The following ABCC1 variants were observed in gnomAD, a reference collection of about 807,000 sequenced individuals.
ABCC1 encodes multidrug resistance-associated protein 1.
In ABCC1, 83 loss-of-function variants were observed where a neutral mutation model predicts 172.9. That is an observed-to-expected ratio of 0.48 (90% CI 0.40 to 0.58). The LOEUF (loss-of-function observed/expected upper bound fraction) is 0.58. Ranked by LOEUF, ABCC1 falls within the 20% of genes least tolerant of loss-of-function variation. The pLI is 0.00. For missense variants in ABCC1, 1,817 were observed against 2,002.7 expected (o/e 0.91, Z 1.77); for synonymous variants, 937 against 825.2 (o/e 1.14, Z -2.32).
intron 17 of ABCC1, among the ~76,000 whole-genome samples, chr16:16,084,018 C>T (rs1404256414): frequency 6.6e-6 from 1 of 152,144 alleles, no homozygotes; most frequent in Admixed American, 6.6e-5. Flanking sequence ...GTTCACAGTC[C>T]CTGTCAAGAT....
chr16:16,053,918 G>A (rs555895566), intron 11 of ABCC1, among the ~76,000 whole-genome samples: 2 of 148,476 alleles, frequency 1.3e-5, no homozygotes, highest in Non-Finnish European at 3.0e-5. Flanking sequence ...AACTTTCTAC[G>A]TATGTATATA....
intron 15 of ABCC1, among the ~76,000 whole-genome samples, chr16:16,076,772 C>T (rs1416171874): frequency 1.3e-5 from 2 of 152,222 alleles, no homozygotes; most frequent in Non-Finnish European, 2.9e-5. Context: ...TTCACTTTCT[C>T]CTGGTCTGCT....
chr16:16,102,789 A>G lies in ABCC1; in HGVS notation c.2735+72A>G, dbSNP rs991205373. The stretch of plus-strand genomic sequence containing the variant: ...GTGGGAGGACAAGAGGAGGAACAAA[A>G]AAAGGCCTCAGCCCCCTGAGGTCCT... On this transcript the variant is annotated intron_variant, in intron 20 of 30. Coordinates refer to ENST00000399410, the MANE Select transcript of ABCC1 (RefSeq NM_004996.4). The G allele has an allele frequency of 3.5e-6, 5 of 1,442,160 alleles. No individual in the cohort carries two copies. In the African/African-American group the frequency reaches 7.1e-5, roughly 21 times the overall value. 89.3% of individuals were successfully genotyped at this position (1,442,160 alleles called of 1,614,324 possible). A position where few individuals can be genotyped will look rare whatever the true frequency, so the allele number is the denominator to read the frequency against.
In ABCC1 at chr16:16,009,630, A is replaced by C. The variant is rs113638399; in HGVS notation, c.226-146A>C. 83 of 800,256 alleles carry C rather than the reference A, an allele frequency of 1.0e-4. No homozygotes were observed. In the African/African-American group the frequency reaches 1.1e-3, roughly 11 times the overall value. The allele number at this position is 800,256 out of a possible 1,614,324, so 49.6% of individuals were successfully genotyped here. On this transcript the variant is annotated intron_variant, in intron 2 of 30. Coordinates refer to ENST00000399410, the MANE Select transcript of ABCC1 (RefSeq NM_004996.4). Reference sequence around the variant, plus strand: ...CATACCGAGGACTTGTCCTTATTCCAGTGGATATGTGCCATGTCCTAGGAC... The same window carrying C: ...CATACCGAGGACTTGTCCTTATTCCCGTGGATATGTGCCATGTCCTAGGAC...
intron 29 of ABCC1, 125 bp downstream of exon 29, chr16:16,136,769 T>C: frequency 1.7e-6 from 2 of 1,152,088 alleles, no homozygotes; most frequent in Non-Finnish European, 2.4e-6. Context: ...CATTTGTCCC[T>C]TCACCTCTTG....
intron 7 of ABCC1, among the ~76,000 whole-genome samples, chr16:16,039,231 G>GTA (rs1357475184): frequency 2.1e-5 from 3 of 141,840 alleles, no homozygotes; most frequent in Admixed American, 1.4e-4. Context: ...GTGTGTGTGT[G>GTA]TGTATGTATG....
chr16:16,104,233 C>A (rs969334787), intron 20 of ABCC1, among the ~76,000 whole-genome samples: 1 of 152,134 alleles, frequency 6.6e-6, no homozygotes, highest in Admixed American at 6.5e-5. Flanking sequence ...AGTAGGTGGC[C>A]ACTGCTGGCT....
intron 16 of ABCC1, 38 bp downstream of exon 16, chr16:16,079,516 CTGG>C: frequency 6.3e-7 from 1 of 1,588,250 alleles, no homozygotes; most frequent in Non-Finnish European, 8.6e-7. Context: ...AGTGGGGAAG[CTGG>C]TGGTCTGAGG....
chr16:16,072,934 C>T (rs2050406966), intron 14 of ABCC1, among the ~76,000 whole-genome samples: 1 of 150,858 alleles, frequency 6.6e-6, no homozygotes, highest in African/African-American at 2.4e-5. Flanking sequence ...CCCAACTACT[C>T]GGGAGGCTGA....
chr16:16,077,762 C>G (rs905144959), intron 15 of ABCC1, among the ~76,000 whole-genome samples: 3 of 152,240 alleles, frequency 2.0e-5, no homozygotes, highest in African/African-American at 7.2e-5. Context: ...AGTTAAAAAG[C>G]ACAGAATCCC....
At chr16:16,000,565 G>A (rs2047272512) in intron 1 of ABCC1, among the ~76,000 whole-genome samples, 1 of 152,074 alleles carries the variant, frequency 6.6e-6, no homozygotes, top group Admixed American at 6.6e-5. Flanking sequence ...GAAGTGAGTG[G>A]TCATAGCTAG....
chr16:16,075,365 C>T (rs935787397), intron 14 of ABCC1, among the ~76,000 whole-genome samples: 1 of 151,622 alleles, frequency 6.6e-6, no homozygotes, highest in Non-Finnish European at 1.5e-5. Context: ...TGTCTCATGC[C>T]TGTAATCCCG....
chr16:15,976,707 A>G (rs1185199841), intron 1 of ABCC1, among the ~76,000 whole-genome samples: 3 of 152,196 alleles, frequency 2.0e-5, no homozygotes, highest in Non-Finnish European at 4.4e-5. Context: ...TGATGATGAC[A>G]ATAGCCATAG....
Position 16,083,247 on chromosome 16 carries a change from T to A in ABCC1, c.2116-119T>A. ...AGTTTCCCTCTTGCCAAAGCAATAG[T>A]TGTGATGAAAATGACTTGTGAAGTG... is the stretch of plus-strand genomic sequence containing the variant. On this transcript the variant is annotated intron_variant, in intron 16 of 30. Transcript: ENST00000399410. 3 of 1,005,680 alleles carry A rather than the reference T, an allele frequency of 3.0e-6. 1 individual carries two copies. Among genetic ancestry groups the A allele is most frequent in the East Asian group, 2.4e-5 (1 of 41,314 alleles). 62.3% of individuals were successfully genotyped at this position (1,005,680 alleles called of 1,614,324 possible). A position where few individuals can be genotyped will look rare whatever the true frequency, so the allele number is the denominator to read the frequency against.
chr16:16,009,681 T>G (rs896774664), intron 2 of ABCC1, 95 bp from the exon 3 acceptor site: 9 of 1,320,126 alleles, frequency 6.8e-6, no homozygotes, highest in Non-Finnish European at 8.1e-6. Flanking sequence ...GAAGGCTGGC[T>G]GGTTCTCCTA....
chr16:15,984,824 G>A (rs1411169687), intron 1 of ABCC1, among the ~76,000 whole-genome samples: 3 of 152,176 alleles, frequency 2.0e-5, no homozygotes, highest in Non-Finnish European at 4.4e-5. Flanking sequence ...GTCATGGCCA[G>A]GTGCAGTGTG....
At chr16:16,095,812 A>G (rs1036611777) in intron 19 of ABCC1, among the ~76,000 whole-genome samples, 5 of 152,136 alleles carry the variant, frequency 3.3e-5, no homozygotes, top group South Asian at 2.1e-4. Flanking sequence ...GATTATAAGC[A>G]TGAGTCGCGG....
At chr16:16,006,901 C>T (rs1383191414) in intron 1 of ABCC1, among the ~76,000 whole-genome samples, 1 of 100,592 alleles carries the variant, frequency 9.9e-6, no homozygotes, top group African/African-American at 3.1e-5. Flanking sequence ...GTGATGGTGG[C>T]GATGGTGATG....
Position 16,036,566 on chromosome 16 carries a change from G to A in ABCC1, c.772G>A (p.Val258Ile), listed in dbSNP as rs1396197156. Residue 258 changes from valine to isoleucine, a missense_variant, in exon 7 of 31, where the codon GTA (valine) becomes ATA (isoleucine). Around this residue, in one of 3 missense-constraint regions of ABCC1, gnomAD observed 398 missense variants for 384.2 expected, o/e 1.04. Coordinates refer to ENST00000399410, the MANE Select transcript of ABCC1 (RefSeq NM_004996.4). ...DTSEQVVPVL[V>I]KNWKKECAKT... ...GTCGGAACAAGTCGTGCCTGTTTTGGTAAAGAACTGGAAGAAGGAATGCGC... is the reference window on the plus strand; with the variant it reads ...GTCGGAACAAGTCGTGCCTGTTTTGATAAAGAACTGGAAGAAGGAATGCGC... The A allele has an allele frequency of 6.2e-7, 1 of 1,614,118 alleles. No individual in the cohort carries two copies. The highest frequency in any genetic ancestry group is 1.7e-5 in the Admixed American group (1 of 60,026).
Sources: gnomAD v4.1 joint callset for allele counts (sites outside exome capture counted in the v4.1 genomes callset) on GRCh38, gnomAD v4.1.1 for gene constraint, gnomAD v4.1.1 regional missense constraint, MANE v1.5 for transcripts, NCBI Gene and HGNC (gene_info 2026-07-23, HGNC 2026-07-21) for gene names.